The following ANXA2 variants were observed in gnomAD, a reference collection of about 807,000 sequenced individuals.
The protein encoded by ANXA2 is annexin A2.
Under a neutral mutation model 47.3 loss-of-function variants are expected in ANXA2, and 28 were observed. That is an observed-to-expected ratio of 0.59 (90% CI 0.44 to 0.81). ANXA2 has a LOEUF of 0.81. Among genes scored for constraint, ANXA2 ranks in the 40% least tolerant of loss-of-function variants. The pLI, the probability that ANXA2 is intolerant of heterozygous loss-of-function variation, is 0.00. For missense variants in ANXA2, 384 were observed against 414.3 expected, an observed-to-expected ratio of 0.93 and a Z score of 0.64; for synonymous variants, 172 against 155.5, an observed-to-expected ratio of 1.11 and a Z score of -0.79.
chr15:60,361,516 G>C (rs2062513888), intron 4 of ANXA2: 1 of 162,176 alleles, frequency 6.2e-6, no homozygotes, highest in African/African-American at 2.4e-5. Context: ...AGCCATTCCA[G>C]CGGCAGCTCC....
At chr15:60,397,850 G>T in intron 1 of ANXA2, 93 bp downstream of exon 1, 1 of 1,389,306 alleles carries the variant, frequency 7.2e-7, no homozygotes, top group Non-Finnish European at 9.3e-7. Flanking sequence ...CAGTTGCCGG[G>T]GCCTCCCTGC....
chr15:60,351,876 G>A (rs1331025917), intron 9 of ANXA2, 57 bp from the exon 10 acceptor site: 14 of 1,158,204 alleles, frequency 1.2e-5, no homozygotes, highest in South Asian at 6.3e-5. Flanking sequence ...AGCTGTCAAC[G>A]ATCACCCACC....
chr15:60,393,662 A>G (rs1273216572), intron 1 of ANXA2: 14 of 985,318 alleles, frequency 1.4e-5, no homozygotes, highest in Non-Finnish European at 1.7e-5. Flanking sequence ...AGTCTTTAGG[A>G]TACAGGAAAT....
chr15:60,357,307 A>C, intron 5 of ANXA2, 71 bp from the exon 6 acceptor site: 4 of 1,291,198 alleles, frequency 3.1e-6, no homozygotes, highest in Non-Finnish European at 4.5e-6. Flanking sequence ...TCTGATCTCC[A>C]TCAAGTAAAT....
chr15:60,393,205 G>A (rs555126040), intron 1 of ANXA2: 1 of 1,151,738 alleles, frequency 8.7e-7, no homozygotes, highest in Admixed American at 3.7e-5. Context: ...TCTGTGGCCT[G>A]ATCTGAATCA....
intron 3 of ANXA2, among the ~76,000 whole-genome samples, chr15:60,374,969 G>T (rs1044974758): frequency 1.3e-5 from 2 of 152,172 alleles, no homozygotes; most frequent in African/African-American, 4.8e-5. Flanking sequence ...GCAGCCCTCC[G>T]TTAGAGGAGA....
At chr15:60,355,690 C>T (rs765167740) in intron 7 of ANXA2, 1 of 593,436 alleles carries the variant, frequency 1.7e-6, no homozygotes, top group African/African-American at 1.8e-5. Context: ...AGCCGCCCAT[C>T]CCTTCTCTGG....
At chr15:60,397,143 C>G in intron 1 of ANXA2, 1 of 433,246 alleles carries the variant, frequency 2.3e-6, no homozygotes, top group Non-Finnish European at 3.1e-6. Context: ...ACAGAGCGGC[C>G]AGAAGGGAGA....
At chr15:60,359,791 T>TA (rs940509054) in intron 5 of ANXA2, among the ~76,000 whole-genome samples, 3 of 152,092 alleles carry the variant, frequency 2.0e-5, no homozygotes, top group Non-Finnish European at 2.9e-5. Context: ...AGACTCGGAA[T>TA]AAAAAATCAA....
chr15:60,382,550 T>A (rs146367349), intron 2 of ANXA2, 109 bp from the exon 3 acceptor site: 11 of 741,178 alleles, frequency 1.5e-5, no homozygotes, highest in Non-Finnish European at 2.2e-5. Context: ...ATTCAGATCA[T>A]TCTCATACTA....
At chr15:60,359,055 C>A (rs752754379) in intron 5 of ANXA2, among the ~76,000 whole-genome samples, 4 of 152,224 alleles carry the variant, frequency 2.6e-5, no homozygotes, top group Non-Finnish European at 5.9e-5. Context: ...GATACTGCCA[C>A]CGGTACTGCC....
rs767496716 is a variant in ANXA2, at chr15:60,386,009, G to A, written c.48+19C>T. ...GTCCAACTTGCAAAAATTATATAAA[G>A]TGAAAGTGATATACTTACATCACCC... On this transcript the variant is annotated intron_variant, in intron 2 of 12. Coordinates refer to ENST00000451270, the MANE Select transcript of ANXA2 (RefSeq NM_004039.3). The A allele has an allele frequency of 2.5e-6, 4 of 1,591,692 alleles. No individual in the cohort carries two copies. The highest frequency in any genetic ancestry group is 1.3e-5 in the African/African-American group (1 of 74,090).
intron 1 of ANXA2, chr15:60,391,410 G>A (rs62004988): frequency 0.16 from 24,602 of 152,304 alleles, 2,184 homozygotes; most frequent in Middle Eastern, 0.27. Context: ...CCTGGGGAGA[G>A]GGGAAGAGGA....
At chr15:60,383,381 G>C (rs1196012225) in intron 2 of ANXA2, 2 of 152,244 alleles carry the variant, frequency 1.3e-5, no homozygotes, top group Non-Finnish European at 2.9e-5. Context: ...CTCCCATCTT[G>C]GCCTCCCAAA....
intron 3 of ANXA2, chr15:60,374,374 T>C: frequency 2.3e-6 from 1 of 443,414 alleles, no homozygotes; most frequent in Non-Finnish European, 4.5e-6. Context: ...GCTCTGCTAC[T>C]CCGTCAGCCT....
chr15:60,379,344 A>C (rs2062824457), intron 3 of ANXA2, among the ~76,000 whole-genome samples: 1 of 152,186 alleles, frequency 6.6e-6, no homozygotes, highest in Non-Finnish European at 1.5e-5. Flanking sequence ...CTGAACATTA[A>C]GTCTGGGGGA....
intron 9 of ANXA2, 148 bp from the exon 10 acceptor site, chr15:60,351,967 G>C: frequency 1.5e-6 from 1 of 645,714 alleles, no homozygotes; most frequent in Non-Finnish European, 2.7e-6. Flanking sequence ...ACGGTGACCA[G>C]AGCCAACATT....
chr15:60,385,669 T>C (rs924827442), intron 2 of ANXA2: 1 of 181,740 alleles, frequency 5.5e-6, no homozygotes, highest in Non-Finnish European at 1.1e-5. Flanking sequence ...AGTTTTGATA[T>C]GGCTGTGGCT....
At chr15:60,389,719 G>T (rs1005747551) in intron 1 of ANXA2, among the ~76,000 whole-genome samples, 6 of 152,160 alleles carry the variant, frequency 3.9e-5, no homozygotes, top group Non-Finnish European at 7.3e-5. Flanking sequence ...GCAGAGCCCA[G>T]CCTTCAAAGA....
Sources: gnomAD v4.1 joint callset for allele counts (sites outside exome capture counted in the v4.1 genomes callset) on GRCh38, gnomAD v4.1.1 for gene constraint, MANE v1.5 for transcripts, NCBI Gene and HGNC (gene_info 2026-07-23, HGNC 2026-07-21) for gene names.